GOLGA1: variants seen among roughly 807,000 people sequenced by gnomAD.
GOLGA1 encodes the protein golgin A1, also known as golgin subfamily A member 1.
GOLGA1 carries 63 observed loss-of-function variants against 119.7 expected under a neutral mutation model. That is an observed-to-expected ratio of 0.53 (90% CI 0.43 to 0.65). The LOEUF is 0.65. Ranked by LOEUF, GOLGA1 falls within the 30% of genes least tolerant of loss-of-function variation. The pLI, the probability that GOLGA1 is intolerant of heterozygous loss-of-function variation, is 0.00. For synonymous variants in GOLGA1, 318 were observed against 333.4 expected (o/e 0.95, Z 0.50); for missense variants, 798 against 912.8 (o/e 0.87, Z 1.62).
At chr9:124,937,820 C>T (rs796454385) in intron 3 of GOLGA1, among the ~76,000 whole-genome samples, 9 of 152,166 alleles carry the variant, frequency 5.9e-5, no homozygotes, top group Non-Finnish European at 8.8e-5. Context: ...TGGTGGCTCA[C>T]GCCTGTAATC....
chr9:124,919,456 G>C (rs566711786), intron 10 of GOLGA1, among the ~76,000 whole-genome samples: 1 of 152,076 alleles, frequency 6.6e-6, no homozygotes, highest in East Asian at 1.9e-4. Flanking sequence ...ATTCATTCAC[G>C]TATATATTTA....
At chr9:124,889,631 G>A (rs767057357) in intron 16 of GOLGA1, 95 bp from the exon 17 acceptor site, 190 of 855,914 alleles carry the variant, frequency 2.2e-4, no homozygotes, top group Non-Finnish European at 2.5e-4. Flanking sequence ...GGTACACCAC[G>A]AATCCCTCCC....
rs776032634 is a variant in GOLGA1, at chr9:124,880,578, C to G, written c.2256G>C (p.Lys752Asn). ...MSWFGSKPAP[K>N]GSIRPSISNP... ...TTGAGATAGACGGCCGGATGCTGCC[C>G]TTGGGAGCTGGTTTGGACCCAAACC... The change falls in exon 23 of 23, where the codon AAG becomes AAC. Residue 752 changes from lysine (K) to asparagine (N), a missense_variant. By Grantham distance (94) the Lys-to-Asn change is moderately conservative. Transcript: ENST00000373555. The G allele has an allele frequency of 1.2e-6, 2 of 1,611,502 alleles. No homozygotes were observed. The highest frequency in any genetic ancestry group is 1.7e-6 in the Non-Finnish European group (2 of 1,177,800).
chr9:124,907,582 C>T (rs1352848240), intron 12 of GOLGA1, among the ~76,000 whole-genome samples: 1 of 152,110 alleles, frequency 6.6e-6, no homozygotes, highest in Non-Finnish European at 1.5e-5. Context: ...CAAGAATATA[C>T]AATGAAATCC....
At chr9:124,909,115 G>C (rs933044924) in intron 11 of GOLGA1, among the ~76,000 whole-genome samples, 2 of 152,110 alleles carry the variant, frequency 1.3e-5, no homozygotes, top group South Asian at 2.1e-4. Context: ...TTCGAGACCA[G>C]CCTGGCTAAC....
intron 4 of GOLGA1, among the ~76,000 whole-genome samples, chr9:124,930,789 T>C (rs1473647215): frequency 6.6e-6 from 1 of 152,206 alleles, no homozygotes; most frequent in Non-Finnish European, 1.5e-5. Flanking sequence ...GGGAGCTGTG[T>C]AAATTGTAAA....
intron 3 of GOLGA1, among the ~76,000 whole-genome samples, chr9:124,938,082 C>CAAAAAAAAAAAAAAAAAAA (rs200357362): frequency 1.5e-5 from 1 of 66,112 alleles, no homozygotes. Flanking sequence ...GAATCCATCT[C>CAAAAAAAAAAAAAAAAAAA]AAAAAAAAAA....
chr9:124,907,457 C>T (rs888365247), intron 12 of GOLGA1, among the ~76,000 whole-genome samples: 4 of 152,184 alleles, frequency 2.6e-5, no homozygotes, highest in African/African-American at 9.7e-5. Flanking sequence ...TCAAACTCCA[C>T]AGCAAAAATG....
In GOLGA1 at chr9:124,891,646, T is replaced by A. The variant is rs1450824457; in HGVS notation, c.1408-1168A>T. Among the ~76,000 whole-genome samples, 5 of 152,022 alleles carry A rather than the reference T, an allele frequency of 3.3e-5. No homozygotes were observed. The East Asian group carries it at 9.8e-4, about 30-fold the overall frequency. On this transcript the variant is annotated intron_variant, in intron 15 of 22. Transcript: ENST00000373555. ...TATGAGAGGGTCCCATTCTTTTGTT[T>A]TTTTTTTTCTTTTTTGAGATGGAGC... is the stretch of plus-strand genomic sequence containing the variant.
intron 22 of GOLGA1, 99 bp from the exon 23 acceptor site, chr9:124,880,709 C>T: frequency 1.3e-6 from 1 of 751,600 alleles, no homozygotes; most frequent in Non-Finnish European, 2.4e-6. Flanking sequence ...TCACTCCTGC[C>T]CCCCACACAT....
At chr9:124,913,242 A>G (rs543225407) in intron 10 of GOLGA1, among the ~76,000 whole-genome samples, 1 of 152,288 alleles carries the variant, frequency 6.6e-6, no homozygotes, top group South Asian at 2.1e-4. Context: ...CTCCCTTGAC[A>G]TGTGGGCATT....
Position 124,923,237 on chromosome 9 carries a change from G to A in GOLGA1, c.433-14C>T, listed in dbSNP as rs368253952. On this transcript the variant is annotated splice_polypyrimidine_tract_variant and intron_variant, in intron 7 of 22. Transcript: ENST00000373555. ...AATATTTTTCTCCTATTTGAAAGAA[G>A]AAGACATCAACTCAGGCAACGAAAG... 1.0e-4 allele frequency: 161 copies of A among 1,573,716 alleles called. 1 individual carries two copies. In the East Asian group the frequency reaches 1.8e-3, roughly 17 times the overall value.
intron 12 of GOLGA1, among the ~76,000 whole-genome samples, chr9:124,906,821 G>C (rs933600013): frequency 1.3e-5 from 2 of 152,000 alleles, no homozygotes; most frequent in Non-Finnish European, 2.9e-5. Context: ...AGCAACTTAG[G>C]CAAGAAAATA....
intron 8 of GOLGA1, 32 bp from the exon 9 acceptor site, chr9:124,921,924 A>C (rs1830578193): frequency 6.3e-7 from 1 of 1,579,016 alleles, no homozygotes; most frequent in Non-Finnish European, 8.7e-7. Context: ...TCATTGGGCT[A>C]TGCTAAGAAA....
rs1321869867 is a variant in GOLGA1 at position 124,878,916 on chromosome 9, TC to T, written c.*1613del. The stretch of plus-strand genomic sequence containing the variant: ...AACAGAAGAGACTCCTGTTTCGTGT[TC>T]CCACCAGGTAAATGGAAATTCGTGT... On this transcript the variant is annotated 3_prime_UTR_variant, in exon 23 of 23. Transcript: ENST00000373555. The T allele has an allele frequency of 6.6e-6, 1 of 152,186 alleles. No homozygotes were observed. Among genetic ancestry groups the T allele is most frequent in the East Asian group, 1.9e-4 (1 of 5,204 alleles). 9.4% of individuals were successfully genotyped at this position (152,186 alleles called of 1,614,324 possible). A position where few individuals can be genotyped will look rare whatever the true frequency, so the allele number is the denominator to read the frequency against.
At chr9:124,912,603 C>T (rs1490791872) in intron 10 of GOLGA1, among the ~76,000 whole-genome samples, 1 of 152,140 alleles carries the variant, frequency 6.6e-6, no homozygotes, top group Non-Finnish European at 1.5e-5. Context: ...AGTACAGTGG[C>T]GCGATCTCGG....
At chr9:124,929,721 G>T (rs1027107592) in intron 4 of GOLGA1, among the ~76,000 whole-genome samples, 1 of 152,150 alleles carries the variant, frequency 6.6e-6, no homozygotes, top group Non-Finnish European at 1.5e-5. Flanking sequence ...AGTAGTTAGG[G>T]CAATAACAAA....
At chr9:124,932,389 C>G (rs1159818043) in intron 3 of GOLGA1, among the ~76,000 whole-genome samples, 3 of 152,172 alleles carry the variant, frequency 2.0e-5, no homozygotes, top group Non-Finnish European at 2.9e-5. Context: ...CCAATATGTA[C>G]TGAGAGTCAG....
chr9:124,906,802 C>T (rs1341859909), intron 12 of GOLGA1, among the ~76,000 whole-genome samples: 4 of 151,966 alleles, frequency 2.6e-5, no homozygotes, highest in Non-Finnish European at 4.4e-5. Flanking sequence ...TCTAAAGTTT[C>T]TAGGAATTAG....
Sources: gnomAD v4.1 joint callset for allele counts (sites outside exome capture counted in the v4.1 genomes callset) on GRCh38, gnomAD v4.1.1 for gene constraint, MANE v1.5 for transcripts, NCBI Gene and HGNC (gene_info 2026-07-23, HGNC 2026-07-21) for gene names.